HMGA2: variants seen among roughly 807,000 people sequenced by gnomAD.
HMGA2 encodes high mobility group AT-hook 2, also known as high mobility group protein HMGI-C.
In HMGA2, 8 loss-of-function variants were observed where a neutral mutation model predicts 19.1. The ratio of observed to expected loss-of-function variants is 0.42; its 90% CI spans 0.25 to 0.76. The LOEUF (loss-of-function observed/expected upper bound fraction) is 0.76. HMGA2 is among the 30% of genes least tolerant of loss of function. The probability of loss-of-function intolerance (pLI) is 0.28; values close to 1 mark genes in which losing one functional copy is unlikely to be tolerated. For missense variants in HMGA2, 109 were observed against 136.3 expected, an observed-to-expected ratio of 0.80 and a Z score of 1.00; for synonymous variants, 60 against 48.8, an observed-to-expected ratio of 1.23 and a Z score of -0.96.
chr12:65,955,025 A>G (rs1793197474), intron 4 of HMGA2: 2 of 152,128 alleles, frequency 1.3e-5, no homozygotes, highest in South Asian at 2.1e-4. Flanking sequence ...TACTAAATAC[A>G]CAAAAATTAG....
intron 3 of HMGA2, among the ~76,000 whole-genome samples, chr12:65,897,052 A>G (rs1364657266): frequency 6.6e-6 from 1 of 152,234 alleles, no homozygotes; most frequent in Non-Finnish European, 1.5e-5. Context: ...GAAGAAGTGA[A>G]ATTAGAATTA....
chr12:65,916,218 C>T (rs11175961), intron 3 of HMGA2, among the ~76,000 whole-genome samples: 12,105 of 152,164 alleles, frequency 0.08, 546 homozygotes, highest in Middle Eastern at 0.21. Context: ...CAGCTGGTTC[C>T]ATGTTCAGTA....
intron 3 of HMGA2, among the ~76,000 whole-genome samples, chr12:65,880,210 A>G (rs1873299642): frequency 6.6e-6 from 1 of 152,232 alleles, no homozygotes; most frequent in Non-Finnish European, 1.5e-5. Context: ...AAATCCTAGC[A>G]CTTTGAAAGC....
chr12:65,947,888 G>A (rs1876322114), intron 3 of HMGA2, among the ~76,000 whole-genome samples: 2 of 152,208 alleles, frequency 1.3e-5, no homozygotes, highest in South Asian at 2.1e-4. Flanking sequence ...CAGCAACCTG[G>A]AGGAATCAGA....
At chr12:65,845,244 T>C (rs953236343) in intron 3 of HMGA2, among the ~76,000 whole-genome samples, 1 of 152,142 alleles carries the variant, frequency 6.6e-6, no homozygotes, top group Non-Finnish European at 1.5e-5. Context: ...AGGCTGCTTT[T>C]ATAAGCGTTT....
intron 3 of HMGA2, among the ~76,000 whole-genome samples, chr12:65,947,123 CTT>C (rs397969754): frequency 7.6e-5 from 11 of 143,798 alleles, no homozygotes; most frequent in Non-Finnish European, 1.2e-4. Context: ...ATTCTCACCA[CTT>C]TTTTTTTTTT....
intron 3 of HMGA2, among the ~76,000 whole-genome samples, chr12:65,923,977 T>C (rs1379434110): frequency 6.6e-6 from 1 of 152,008 alleles, no homozygotes; most frequent in Non-Finnish European, 1.5e-5. Context: ...GCCATTGCAC[T>C]CCAGCCTGGG....
At chr12:65,853,574 A>G (rs1416004105) in intron 3 of HMGA2, among the ~76,000 whole-genome samples, 1 of 152,172 alleles carries the variant, frequency 6.6e-6, no homozygotes, top group Non-Finnish European at 1.5e-5. Context: ...TGTTTTCCCG[A>G]GGCCCTTTTC....
At chr12:65,877,288 G>A (rs972620981) in intron 3 of HMGA2, among the ~76,000 whole-genome samples, 2 of 152,202 alleles carry the variant, frequency 1.3e-5, no homozygotes, top group Non-Finnish European at 2.9e-5. Flanking sequence ...TGCAGCAGCA[G>A]GGAAGCTTTG....
At chr12:65,911,514 G>A (rs77411888) in intron 3 of HMGA2, among the ~76,000 whole-genome samples, 12,575 of 152,140 alleles carry the variant, frequency 0.083, 839 homozygotes, top group African/African-American at 0.18. Context: ...GGACTCCAGG[G>A]AAAGCTGTGT....
chr12:65,964,751 T>A lies in HMGA2; in HGVS notation c.*1459T>A, dbSNP rs1010630526. On this transcript the variant is annotated 3_prime_UTR_variant, in exon 5 of 5. Coordinates refer to ENST00000403681, the MANE Select transcript of HMGA2 (RefSeq NM_003483.6). ...TTTTCTATGTTTTTTTAATTAAAAA[T>A]TTTTAAAATACTTGTTTCAGCTTCT... 5 of 196,392 alleles carry A rather than the reference T, an allele frequency of 2.5e-5. No homozygotes were observed. The highest frequency in any genetic ancestry group is 1.9e-4 in the South Asian group (1 of 5,190). The allele number at this position is 196,392 out of a possible 1,614,324, so 12.2% of individuals were successfully genotyped here.
At chr12:65,881,131 G>A (rs981702148) in intron 3 of HMGA2, 3 of 153,238 alleles carry the variant, frequency 2.0e-5, no homozygotes, top group African/African-American at 7.2e-5. Flanking sequence ...CCATTTCCAT[G>A]TATTAGATTA....
intron 2 of HMGA2, chr12:65,828,338 T>C: frequency 3.2e-6 from 1 of 309,978 alleles, no homozygotes; most frequent in Non-Finnish European, 6.0e-6. Flanking sequence ...AATTTGAACC[T>C]TAAAACGGGT....
At chr12:65,961,079 G>C (rs1231832183) in intron 4 of HMGA2, among the ~76,000 whole-genome samples, 2 of 152,208 alleles carry the variant, frequency 1.3e-5, no homozygotes, top group East Asian at 1.9e-4. Flanking sequence ...AATAATTACA[G>C]CACAATCCAG....
chr12:65,884,347 C>T (rs1312033967), intron 3 of HMGA2, among the ~76,000 whole-genome samples: 1 of 152,130 alleles, frequency 6.6e-6, no homozygotes, highest in Non-Finnish European at 1.5e-5. Context: ...ACAAATATTC[C>T]AAAATCTGAA....
chr12:65,843,283 G>A (rs1216715402), intron 3 of HMGA2: 3 of 219,124 alleles, frequency 1.4e-5, no homozygotes, highest in Non-Finnish European at 1.8e-5. Flanking sequence ...TGTGCAGTAC[G>A]TTGATTAAAA....
chr12:65,867,295 C>T (rs1872475535), intron 3 of HMGA2, among the ~76,000 whole-genome samples: 1 of 152,118 alleles, frequency 6.6e-6, no homozygotes, highest in African/African-American at 2.4e-5. Context: ...ACTTTTTGCT[C>T]TGTTGAGAAC....
intron 3 of HMGA2, among the ~76,000 whole-genome samples, chr12:65,907,009 A>G (rs1014386645): frequency 4.2e-4 from 64 of 152,230 alleles, no homozygotes; most frequent in African/African-American, 1.5e-3. Context: ...GTGTGCCAGG[A>G]CCTGTGCAAG....
intron 3 of HMGA2, among the ~76,000 whole-genome samples, chr12:65,883,701 T>G (rs1354111476): frequency 6.6e-6 from 1 of 152,204 alleles, no homozygotes; most frequent in Non-Finnish European, 1.5e-5. Flanking sequence ...CTTTGAAAAT[T>G]GTAAATATTT....
Sources: allele counts gnomAD v4.1 joint callset (sites outside exome capture counted in the v4.1 genomes callset), GRCh38; gene constraint gnomAD v4.1.1; transcripts MANE v1.5; gene names NCBI Gene and HGNC (gene_info 2026-07-23, HGNC 2026-07-21).